Variants in PIK3CA observed in about 807,000 individuals in gnomAD.
The protein encoded by PIK3CA is phosphatidylinositol-4,5-bisphosphate 3-kinase catalytic subunit alpha.
PIK3CA carries 27 observed loss-of-function variants against 138.2 expected under a neutral mutation model. The ratio of observed to expected loss-of-function variants is 0.20; its 90% CI spans 0.14 to 0.27. The LOEUF (loss-of-function observed/expected upper bound fraction) is 0.27. PIK3CA is among the 10% of genes least tolerant of loss of function. PIK3CA has a pLI of 1.00. For synonymous variants in PIK3CA, 358 were observed against 413.2 expected (o/e 0.87, Z 1.62); for missense variants, 544 against 1,277.4 (o/e 0.43, Z 8.75).
intron 17 of PIK3CA, among the ~76,000 whole-genome samples, chr3:179,227,068 ATTGT>A (rs1725100155): frequency 1.3e-5 from 2 of 152,110 alleles, no homozygotes; most frequent in African/African-American, 2.4e-5. Flanking sequence ...GGTTAATTAC[ATTGT>A]TTAATTATAA....
intron 18 of PIK3CA, 134 bp from the exon 19 acceptor site, chr3:179,229,870 G>C: frequency 3.4e-6 from 2 of 586,496 alleles, no homozygotes; most frequent in Non-Finnish European, 6.0e-6. Flanking sequence ...CAAAATCTTT[G>C]GACATAATTT....
In PIK3CA at chr3:179,210,258, G is replaced by C. The variant is rs200951754; in HGVS notation, c.1324G>C (p.Ala442Pro). Reference sequence around the variant, plus strand: ...AGACACTCTAGTATCTGGAAAAATGGCTTTGAATCTTTGGCCAGTACCTCA... The same window carrying C: ...AGACACTCTAGTATCTGGAAAAATGCCTTTGAATCTTTGGCCAGTACCTCA... ...YTDTLVSGKMALNLWPVPHGL... is the reference protein window; with the variant it reads ...YTDTLVSGKMPLNLWPVPHGL... Residue 442 changes from alanine to proline, a missense_variant, in exon 8 of 21, where the codon GCT (alanine) becomes CCT (proline). Ala to Pro is a conservative substitution (Grantham distance 27). This residue lies in a region of PIK3CA where 234 missense variants were observed against 401.3 expected (regional missense o/e 0.58). Coordinates refer to ENST00000263967, the MANE Select transcript of PIK3CA (RefSeq NM_006218.4). 8 of 1,597,406 alleles carry C rather than the reference G, an allele frequency of 5.0e-6. No individual in the cohort carries two copies. The highest frequency in any genetic ancestry group is 6.8e-6 in the Non-Finnish European group (8 of 1,175,900).
intron 1 of PIK3CA, among the ~76,000 whole-genome samples, chr3:179,172,227 A>G (rs1723576861): frequency 6.6e-6 from 1 of 152,158 alleles, no homozygotes; most frequent in South Asian, 2.1e-4. Context: ...CTAGGAATTG[A>G]AGGCAACTTC....
At position 179,239,769 on chromosome 3, in the gene PIK3CA, T is replaced by G. The variant is rs1725403297; in HGVS notation, c.*5405T>G. 1 of 410,462 alleles carries G rather than the reference T, an allele frequency of 2.4e-6. No homozygotes were observed. 25.4% of individuals were successfully genotyped at this position (410,462 alleles called of 1,614,324 possible). On this transcript the variant is annotated 3_prime_UTR_variant, in exon 21 of 21. Coordinates refer to ENST00000263967, the MANE Select transcript of PIK3CA (RefSeq NM_006218.4). The stretch of plus-strand genomic sequence containing the variant: ...TTGGCCCCATTAATTGTAGCAAGTT[T>G]ATTTCTCTATATTTTGTCATTCAGT...
rs371049193 is a variant in PIK3CA, at chr3:179,225,998, G to A, written c.2453G>A (p.Arg818His). Residue 818 changes from arginine to histidine, a missense_variant, in exon 17 of 21, where the codon CGT becomes CAT. This residue lies in a region of PIK3CA where 72 missense variants were observed against 271.8 expected (regional missense o/e 0.26). Coordinates refer to ENST00000263967, the MANE Select transcript of PIK3CA (RefSeq NM_006218.4). ...RQDMLTLQII[R>H]IMENIWQNQG... is the part of the protein sequence containing the mutation. The stretch of plus-strand genomic sequence containing the variant: ...GATATGCTAACACTTCAAATTATTC[G>A]TATTATGGAAAATATCTGGCAAAAT... 1.9e-5 allele frequency: 30 copies of A among 1,596,770 alleles called. No homozygotes were observed. Among genetic ancestry groups the A allele is most frequent in the Admixed American group, 3.3e-5 (2 of 59,730 alleles).
chr3:179,200,078 T>A (rs1560137831), intron 3 of PIK3CA, among the ~76,000 whole-genome samples, 179 bp downstream of exon 3: 1 of 152,002 alleles, frequency 6.6e-6, no homozygotes. Context: ...ACAATCAATA[T>A]TTATTGGTTG....
In PIK3CA at chr3:179,237,989, A is replaced by G. The variant is rs1725363811; in HGVS notation, c.*3625A>G. On this transcript the variant is annotated 3_prime_UTR_variant, in exon 21 of 21. Coordinates refer to ENST00000263967, the MANE Select transcript of PIK3CA (RefSeq NM_006218.4). ...AAGTTTAAAGATAATATGTGGTGTTAATAGATTGTGGTGCTTTTACTATTT... is the reference window on the plus strand; with the variant it reads ...AAGTTTAAAGATAATATGTGGTGTTGATAGATTGTGGTGCTTTTACTATTT... 4.6e-6 allele frequency: 1 copy of G among 217,936 alleles called. No individual in the cohort carries two copies. Among genetic ancestry groups the G allele is most frequent in the African/African-American group, 2.2e-5 (1 of 44,496 alleles). 13.5% of individuals were successfully genotyped at this position (217,936 alleles called of 1,614,324 possible). A position where few individuals can be genotyped will look rare whatever the true frequency, so the allele number is the denominator to read the frequency against.
In PIK3CA at chr3:179,204,523, C is replaced by A. The variant is rs2108394323; in HGVS notation, c.1080C>A (p.Ile360=). ...DIDKIYVRTG[I]YHGGEPLCDN... Reference sequence around the variant, plus strand: ...TTTAGATCTATGTTCGAACAGGTATCTACCATGGAGGAGAACCCTTATGTG... The same window carrying A: ...TTTAGATCTATGTTCGAACAGGTATATACCATGGAGGAGAACCCTTATGTG... The change falls in exon 6 of 21, where the codon ATC becomes ATA. Residue 360 remains isoleucine (I), a synonymous_variant. Transcript: ENST00000263967. 6.3e-7 allele frequency: 1 copy of A among 1,581,152 alleles called. No homozygotes were observed. Among genetic ancestry groups the A allele is most frequent in the Non-Finnish European group, 8.7e-7 (1 of 1,150,338 alleles).
In PIK3CA at chr3:179,150,254, T is replaced by A. The variant is rs185462015; in HGVS notation, c.-77+1651T>A. On this transcript the variant is annotated intron_variant, in intron 1 of 20. Transcript: ENST00000263967. ...TCACATTTTGGGACAAAATAAAACT[T>A]CATAGCTTTTTTCAAAAGTTTCTTG... 2.7e-3 allele frequency among the ~76,000 whole-genome samples: 409 copies of A among 150,076 alleles called. 7 individuals carry two copies. The highest frequency in any genetic ancestry group is 0.023 in the Admixed American group (348 of 15,254).
chr3:179,190,307 A>AC (rs61660360), intron 1 of PIK3CA, among the ~76,000 whole-genome samples: 7,486 of 129,502 alleles, frequency 0.058, 227 homozygotes, highest in Non-Finnish European at 0.074. Context: ...TATATAGTGC[A>AC]CCCCCCCCAC....
intron 1 of PIK3CA, among the ~76,000 whole-genome samples, chr3:179,175,182 G>A (rs908907551): frequency 3.9e-5 from 6 of 152,276 alleles, no homozygotes; most frequent in Middle Eastern, 3.4e-3. Context: ...GCATCTTGAA[G>A]AGAGATAACT....
At chr3:179,183,875 C>G (rs1019833682) in intron 1 of PIK3CA, among the ~76,000 whole-genome samples, 13 of 152,074 alleles carry the variant, frequency 8.5e-5, no homozygotes, top group African/African-American at 2.9e-4. Flanking sequence ...ATATTAAATA[C>G]TTTGGGAACT....
intron 6 of PIK3CA, among the ~76,000 whole-genome samples, chr3:179,207,586 G>A (rs6791153): frequency 0.25 from 35,890 of 146,470 alleles, 5,071 homozygotes; most frequent in African/African-American, 0.4. Flanking sequence ...TTGCTCTGTC[G>A]CCCAGGCTGG....
intron 1 of PIK3CA, among the ~76,000 whole-genome samples, chr3:179,149,362 A>G (rs1722949149): frequency 6.6e-6 from 1 of 152,066 alleles, no homozygotes; most frequent in African/African-American, 2.4e-5. Context: ...TAAACACCAG[A>G]CGTTCAGCCG....
chr3:179,227,603 C>T (rs1326847494), intron 17 of PIK3CA, among the ~76,000 whole-genome samples: 1 of 151,972 alleles, frequency 6.6e-6, no homozygotes, highest in Non-Finnish European at 1.5e-5. Flanking sequence ...TAAGAGTTTA[C>T]TCACTAGAGT....
intron 15 of PIK3CA, among the ~76,000 whole-genome samples, chr3:179,224,478 TC>T (rs1725037599): frequency 7.1e-6 from 1 of 140,450 alleles, no homozygotes; most frequent in Non-Finnish European, 1.5e-5. Flanking sequence ...ATGATATATC[TC>T]TATATATTTG....
At chr3:179,222,215 T>A (rs976878715) in intron 14 of PIK3CA, among the ~76,000 whole-genome samples, 1 of 151,990 alleles carries the variant, frequency 6.6e-6, no homozygotes, top group Non-Finnish European at 1.5e-5. Flanking sequence ...TTTTCCAGCA[T>A]CTTCATTACT....
At chr3:179,179,957 T>G (rs1447963678) in intron 1 of PIK3CA, among the ~76,000 whole-genome samples, 1 of 152,064 alleles carries the variant, frequency 6.6e-6, no homozygotes, top group African/African-American at 2.4e-5. Context: ...TAAAAGATTA[T>G]GGAGCATATT....
chr3:179,165,718 A>G (rs1486231734), intron 1 of PIK3CA, among the ~76,000 whole-genome samples: 1 of 151,856 alleles, frequency 6.6e-6, no homozygotes, highest in Non-Finnish European at 1.5e-5. Flanking sequence ...CATTTTCTAC[A>G]TTTTTTTCTC....
Sources: gnomAD v4.1 joint callset for allele counts (sites outside exome capture counted in the v4.1 genomes callset) on GRCh38, gnomAD v4.1.1 for gene constraint, gnomAD v4.1.1 regional missense constraint, MANE v1.5 for transcripts, NCBI Gene and HGNC (gene_info 2026-07-23, HGNC 2026-07-21) for gene names.